Variants in IRAG2 observed in about 807,000 individuals in gnomAD.
IRAG2 encodes the protein lymphoid restricted membrane protein.
A neutral mutation model predicts 69.9 loss-of-function variants in IRAG2; 45 were observed. The observed-to-expected ratio is 0.64, with a 90% CI of 0.51 to 0.83. The LOEUF is 0.83. Among genes scored for constraint, IRAG2 ranks in the 40% least tolerant of loss-of-function variants. The pLI is 0.00. For synonymous variants in IRAG2, 193 were observed against 202.4 expected (o/e 0.95, Z 0.40); for missense variants, 520 against 587.0 (o/e 0.89, Z 1.18).
chr12:25,004,912 G>T, exon 1 of IRAG2: 1 of 1,225,840 alleles, frequency 8.2e-7, no homozygotes, highest in Non-Finnish European at 1.0e-6. Flanking sequence ...TCTGAATGAA[G>T]ATGGTAAATA....
intron 17 of IRAG2, chr12:25,102,538 C>T (rs1233617572): frequency 1.4e-5 from 5 of 357,488 alleles, no homozygotes; most frequent in Admixed American, 9.1e-5. Context: ...CCTGAGGGAT[C>T]AGCCTCCTCC....
At chr12:25,011,310 C>G (rs775931353) in intron 2 of IRAG2, 115 of 1,203,868 alleles carry the variant, frequency 9.6e-5, no homozygotes, top group Non-Finnish European at 1.1e-4. Context: ...ATAGGTGCTT[C>G]ACTTGTGAAA....
chr12:25,066,731 C>T (rs921578738), intron 5 of IRAG2, among the ~76,000 whole-genome samples: 2 of 149,942 alleles, frequency 1.3e-5, no homozygotes, highest in East Asian at 2.0e-4. Context: ...GATGTGATCT[C>T]GGCTGCCTCC....
upstream of IRAG2, chr12:25,004,308 C>A: frequency 8.2e-7 from 1 of 1,220,614 alleles, no homozygotes; most frequent in Non-Finnish European, 1.0e-6. Context: ...TATACTTTAG[C>A]CACTTCATCT....
In IRAG2 at chr12:25,083,433, A is replaced by G. The variant is rs1303262372; in HGVS notation, c.255A>G (p.Pro85=). ...SPTIEAQGTS[P]AHDNIAFQDS... ...TCCTGTTTCTCACAGGCACAAGTCC[A>G]GCTCATGATAATATTGCATTCCAAG... The change falls in exon 10 of 22, where the codon CCA becomes CCG. Residue 85 remains proline, a synonymous_variant. Transcript: ENST00000556887. The G allele has an allele frequency of 6.2e-7, 1 of 1,611,094 alleles. No individual in the cohort carries two copies. The highest frequency in any genetic ancestry group is 1.3e-5 in the African/African-American group (1 of 74,982).
intron 16 of IRAG2, among the ~76,000 whole-genome samples, chr12:25,042,694 T>C (rs1944760177): frequency 6.6e-6 from 1 of 151,920 alleles, no homozygotes; most frequent in South Asian, 2.1e-4. Context: ...CTCGATCTCT[T>C]GACCTCGTGA....
intron 9 of IRAG2, among the ~76,000 whole-genome samples, chr12:25,082,393 G>A (rs1947275244): frequency 6.6e-6 from 1 of 152,016 alleles, no homozygotes; most frequent in Admixed American, 6.6e-5. Flanking sequence ...GAACTCAAGA[G>A]TTCAAGACCA....
At chr12:25,004,562 C>T in exon 1 of IRAG2, 1 of 1,232,124 alleles carries the variant, frequency 8.1e-7, no homozygotes, top group Non-Finnish European at 1.0e-6. Flanking sequence ...ACGCCCGGCT[C>T]TCATTGGTCA....
rs768264356 is a variant in IRAG2, at chr12:25,090,134, G to A, written c.543G>A (p.Arg181=). 17 of 1,613,714 alleles carry A rather than the reference G, an allele frequency of 1.1e-5. No individual in the cohort carries two copies. Among genetic ancestry groups the A allele is most frequent in the South Asian group, 2.2e-5 (2 of 91,080 alleles). ...AGAAGAGAGTGAAGCTTGAAGAGAG[G>A]TCCCGTGACTTGGCAGAAGAAAATT... The part of the protein sequence containing the change: ...TLEKRVKLEE[R]SRDLAEENLK... Residue 181 remains arginine, a synonymous_variant, in exon 14 of 22, where the codon AGG becomes AGA. Coordinates refer to ENST00000556887, the MANE Select transcript of IRAG2 (RefSeq NM_001366544.2).
chr12:25,106,369 A>ATGTATATGTTG, intron 20 of IRAG2, among the ~76,000 whole-genome samples: 1 of 147,158 alleles, frequency 6.8e-6, no homozygotes, highest in Non-Finnish European at 1.5e-5. Context: ...ATATATAAAT[A>ATGTATATGTTG]TATATATTAT....
intron 6 of IRAG2, among the ~76,000 whole-genome samples, chr12:25,073,518 G>T (rs569928980): frequency 2.6e-5 from 4 of 152,286 alleles, no homozygotes; most frequent in African/African-American, 9.6e-5. Flanking sequence ...TATTCACAGA[G>T]GAAGCTGTCT....
intron 20 of IRAG2, among the ~76,000 whole-genome samples, chr12:25,105,288 G>C (rs1169138874): frequency 2.0e-5 from 3 of 152,034 alleles, no homozygotes; most frequent in Non-Finnish European, 4.4e-5. Context: ...GTGTTAGCCA[G>C]GATGGTCTCG....
At chr12:25,001,964 T>C (rs1751752637), upstream of IRAG2, among the ~76,000 whole-genome samples, 1 of 151,904 alleles carries the variant, frequency 6.6e-6, no homozygotes, top group South Asian at 2.1e-4. Flanking sequence ...AGAGACGGGG[T>C]TTCATCATGT....
At chr12:25,047,911 G>A (rs180877881), upstream of IRAG2, among the ~76,000 whole-genome samples, 1 of 152,274 alleles carries the variant, frequency 6.6e-6, no homozygotes, top group East Asian at 1.9e-4. Flanking sequence ...GAATAGTGCT[G>A]CAATGAACAT....
chr12:25,030,449 T>A, intron 10 of IRAG2: 1 of 632,932 alleles, frequency 1.6e-6, no homozygotes, highest in Non-Finnish European at 2.2e-6. Context: ...TGCAATGGCA[T>A]GATCTCAGCT....
intron 6 of IRAG2, among the ~76,000 whole-genome samples, chr12:25,071,493 G>A (rs867821850): frequency 2.0e-5 from 3 of 152,150 alleles, no homozygotes; most frequent in South Asian, 2.1e-4. Context: ...ATCTGGCACC[G>A]AGTTTACCAA....
intron 20 of IRAG2, among the ~76,000 whole-genome samples, chr12:25,106,717 AT>A (rs1233649113): frequency 7.2e-6 from 1 of 138,776 alleles, no homozygotes; most frequent in Non-Finnish European, 1.5e-5. Context: ...CTACACATTT[AT>A]TATTTTTCTA....
chr12:25,100,753 A>AGTCT (rs1455596649), intron 15 of IRAG2: 2 of 153,182 alleles, frequency 1.3e-5, no homozygotes, highest in African/African-American at 4.8e-5. Flanking sequence ...AACTGTATGT[A>AGTCT]GTCTTTCACC....
At chr12:25,052,682 C>T, upstream of IRAG2, 1 of 397,726 alleles carries the variant, frequency 2.5e-6, no homozygotes, top group East Asian at 3.6e-5. Context: ...CTTATCACTT[C>T]CCTGAGAAGA....
Sources: gnomAD v4.1 joint callset for allele counts (sites outside exome capture counted in the v4.1 genomes callset) on GRCh38, gnomAD v4.1.1 for gene constraint, MANE v1.5 for transcripts, NCBI Gene and HGNC (gene_info 2026-07-23, HGNC 2026-07-21) for gene names.